Variants in NSUN6 observed in about 807,000 individuals in gnomAD.
The protein encoded by NSUN6 is tRNA (cytosine(72)-C(5))-methyltransferase NSUN6.
A neutral mutation model predicts 58.0 loss-of-function variants in NSUN6; 64 were observed. That is an observed-to-expected ratio of 1.10 (90% CI 0.90 to 1.36). NSUN6 has a LOEUF of 1.36. NSUN6 is among the 40% of genes most tolerant of loss of function. The probability of loss-of-function intolerance (pLI) is 0.00; values close to 1 mark genes in which losing one functional copy is unlikely to be tolerated. For missense variants in NSUN6, 701 were observed against 550.1 expected (o/e 1.27, Z -2.74); for synonymous variants, 231 against 193.9 (o/e 1.19, Z -1.59).
At chr10:18,636,399 A>C (rs1318387942) in intron 3 of NSUN6, among the ~76,000 whole-genome samples, 1 of 150,690 alleles carries the variant, frequency 6.6e-6, no homozygotes, top group African/African-American at 2.4e-5. Context: ...GGTGGCTGGC[A>C]CTTATAATCC....
intron 8 of NSUN6, among the ~76,000 whole-genome samples, chr10:18,575,608 G>A (rs61339141): frequency 6.6e-6 from 1 of 152,156 alleles, no homozygotes; most frequent in Admixed American, 6.6e-5. Flanking sequence ...ACCCTCATCA[G>A]GGAGAGTAGA....
At chr10:18,622,061 G>GAC (rs142055090) in intron 3 of NSUN6, among the ~76,000 whole-genome samples, 1 of 140,832 alleles carries the variant, frequency 7.1e-6, no homozygotes, top group Admixed American at 6.9e-5. Context: ...CACACACACA[G>GAC]ACACACACAC....
chr10:18,558,452 G>C (rs1427610273), intron 8 of NSUN6, among the ~76,000 whole-genome samples: 5 of 151,634 alleles, frequency 3.3e-5, no homozygotes, highest in Admixed American at 2.0e-4. Flanking sequence ...GTGGAGAATG[G>C]AATAGAATGG....
At chr10:18,640,215 G>A (rs763942257) in intron 3 of NSUN6, among the ~76,000 whole-genome samples, 3 of 152,110 alleles carry the variant, frequency 2.0e-5, no homozygotes, top group African/African-American at 2.4e-5. Context: ...ACATGATTAC[G>A]CATGTGCATT....
chr10:18,620,383 G>A (rs1249152900), intron 3 of NSUN6, among the ~76,000 whole-genome samples: 3 of 151,932 alleles, frequency 2.0e-5, no homozygotes, highest in Non-Finnish European at 4.4e-5. Flanking sequence ...CACTGCGCCC[G>A]ACAATAAAAA....
At chr10:18,637,211 C>T (rs577367346) in intron 3 of NSUN6, among the ~76,000 whole-genome samples, 1 of 152,084 alleles carries the variant, frequency 6.6e-6, no homozygotes, top group Non-Finnish European at 1.5e-5. Flanking sequence ...GATCCACCCC[C>T]CTGGGCCTCC....
intron 8 of NSUN6, among the ~76,000 whole-genome samples, chr10:18,570,939 A>G: frequency 6.8e-6 from 1 of 147,406 alleles, no homozygotes; most frequent in East Asian, 2.0e-4. Context: ...ATTACATTCT[A>G]CATTCCATGT....
In NSUN6 at chr10:18,651,088, A is replaced by G. The variant is rs563092982; in HGVS notation, c.75+41T>C. 49 of 1,570,586 alleles carry G rather than the reference A, an allele frequency of 3.1e-5. 2 individuals are homozygous for G. In the East Asian group the frequency reaches 4.9e-4, roughly 16 times the overall value. The stretch of plus-strand genomic sequence containing the variant: ...TTTCTCTCGAGTGTGCGAATATTTG[A>G]GTTTTTGCAAAATATCAACTAACAT... On this transcript the variant is annotated intron_variant, in intron 1 of 10. Coordinates refer to ENST00000377304, the MANE Select transcript of NSUN6 (RefSeq NM_182543.5).
intron 3 of NSUN6, among the ~76,000 whole-genome samples, chr10:18,624,424 C>A (rs1445127533): frequency 6.6e-6 from 1 of 151,624 alleles, no homozygotes; most frequent in African/African-American, 2.4e-5. Flanking sequence ...GCCTATAATC[C>A]CAGCACTTTG....
intron 5 of NSUN6, among the ~76,000 whole-genome samples, chr10:18,611,114 T>G (rs1480941462): frequency 6.6e-6 from 1 of 151,994 alleles, no homozygotes; most frequent in Non-Finnish European, 1.5e-5. Context: ...AGGGATCCCT[T>G]GAACCCAGGA....
At chr10:18,626,551 T>C (rs1489901811) in intron 3 of NSUN6, among the ~76,000 whole-genome samples, 5 of 152,322 alleles carry the variant, frequency 3.3e-5, no homozygotes, top group Admixed American at 3.3e-4. Flanking sequence ...GCAGATTACC[T>C]GAGATCAGGA....
At chr10:18,627,195 A>T (rs942244469) in intron 3 of NSUN6, among the ~76,000 whole-genome samples, 1 of 152,198 alleles carries the variant, frequency 6.6e-6, no homozygotes, top group African/African-American at 2.4e-5. Flanking sequence ...TGAAGAAACC[A>T]AAATTTTATT....
intron 2 of NSUN6, among the ~76,000 whole-genome samples, chr10:18,644,875 AG>A (rs2059497674): frequency 1.4e-5 from 2 of 144,636 alleles, no homozygotes; most frequent in Non-Finnish European, 3.0e-5. Flanking sequence ...GAAAACGTGT[AG>A]GTCAGGCACG....
intron 8 of NSUN6, among the ~76,000 whole-genome samples, chr10:18,568,094 TG>T (rs1367583746): frequency 1.3e-5 from 2 of 151,376 alleles, no homozygotes; most frequent in Non-Finnish European, 3.0e-5. Context: ...TCTATTTCAT[TG>T]CACTCCATGC....
chr10:18,547,427 CTTTA>C (rs2054343365), intron 10 of NSUN6, among the ~76,000 whole-genome samples: 1 of 152,090 alleles, frequency 6.6e-6, no homozygotes, highest in Admixed American at 6.6e-5. Flanking sequence ...TCTGAATTGT[CTTTA>C]TTTATGTATT....
chr10:18,640,980 G>GT (rs1328483428), intron 3 of NSUN6, among the ~76,000 whole-genome samples: 1 of 151,772 alleles, frequency 6.6e-6, no homozygotes, highest in African/African-American at 2.4e-5. Context: ...GCTTCCAGAT[G>GT]TTTTTTTACA....
chr10:18,600,724 T>C (rs10828984), intron 6 of NSUN6, among the ~76,000 whole-genome samples: 46,440 of 150,866 alleles, frequency 0.31, 7,807 homozygotes, highest in East Asian at 0.74. Flanking sequence ...GGTCAGGAGT[T>C]TGAGACCAGA....
At chr10:18,603,702 C>T (rs2057939442) in intron 6 of NSUN6, among the ~76,000 whole-genome samples, 2 of 152,100 alleles carry the variant, frequency 1.3e-5, no homozygotes, top group South Asian at 4.1e-4. Context: ...GTCTCAAACT[C>T]CTGACCTCAG....
At chr10:18,553,128 ATTCCATTCCATTCTCCCTTCCC>A (rs2054718239) in intron 8 of NSUN6, among the ~76,000 whole-genome samples, 1 of 148,736 alleles carries the variant, frequency 6.7e-6, no homozygotes, top group South Asian at 2.1e-4. Flanking sequence ...TCGATTCTCC[ATTCCATTCCATTCTCCCTTCCC>A]TTCCATTCCA....
Sources: allele counts gnomAD v4.1 joint callset (sites outside exome capture counted in the v4.1 genomes callset), GRCh38; gene constraint gnomAD v4.1.1; transcripts MANE v1.5; gene names NCBI Gene and HGNC (gene_info 2026-07-23, HGNC 2026-07-21).